PAM16: variants seen among roughly 807,000 people sequenced by gnomAD.
The protein encoded by PAM16 is mitochondrial import inner membrane translocase subunit TIM16.
In PAM16, 11 loss-of-function variants were observed where a neutral mutation model predicts 17.9. The ratio of observed to expected loss-of-function variants is 0.62; its 90% CI spans 0.39 to 1.02. The LOEUF (loss-of-function observed/expected upper bound fraction) is 1.02. Ranked by LOEUF, PAM16 falls within the 50% of genes least tolerant of loss-of-function variation. PAM16 has a pLI of 0.01. For missense variants in PAM16, 199 were observed against 165.4 expected (o/e 1.20, Z -1.11); for synonymous variants, 72 against 67.4 (o/e 1.07, Z -0.34).
chr16:4,345,961 G>A lies in PAM16; in HGVS notation c.4-2670C>T, dbSNP rs191936181. ...AGCCTTCGGTCCCTCTGCTGCCATC[G>A]TACAGCCTTGCAATCACTTGTTTAC... On this transcript the variant is annotated intron_variant, in intron 1 of 4. Transcript: ENST00000318059. 9.1e-6 allele frequency: 9 copies of A among 985,350 alleles called. No homozygotes were observed. The African/African-American group carries it at 1.2e-4, about 13-fold the overall frequency. 61.0% of individuals were successfully genotyped at this position (985,350 alleles called of 1,614,324 possible).
chr16:4,341,629 G>A (rs2053649204), intron 2 of PAM16, 125 bp from the exon 3 acceptor site: 1 of 1,435,544 alleles, frequency 7.0e-7, no homozygotes, highest in South Asian at 1.4e-5. Flanking sequence ...GTGGCTAGGA[G>A]CTGCCTCTTC....
chr16:4,343,139 A>G, intron 2 of PAM16, 68 bp downstream of exon 2: 2 of 1,606,004 alleles, frequency 1.2e-6, no homozygotes, highest in African/African-American at 1.3e-5. Context: ...TGAGGTGCCC[A>G]TGGCTACGGG....
At chr16:4,341,529 TCA>T in intron 2 of PAM16, 25 bp from the exon 3 acceptor site, 1 of 1,593,662 alleles carries the variant, frequency 6.3e-7, no homozygotes, top group Non-Finnish European at 8.5e-7. Context: ...GGGTGATCGC[TCA>T]GTCCTCAGCA....
At chr16:4,340,807 GT>G in intron 4 of PAM16, 112 bp downstream of exon 4, 1 of 1,368,176 alleles carries the variant, frequency 7.3e-7, no homozygotes, top group Non-Finnish European at 1.0e-6. Context: ...GCCTGGCACA[GT>G]TTTCTGTGTG....
chr16:4,349,746 G>T (rs187450781), intron 1 of PAM16, among the ~76,000 whole-genome samples: 1 of 152,162 alleles, frequency 6.6e-6, no homozygotes, highest in Non-Finnish European at 1.5e-5. Context: ...TAGCCGGGGC[G>T]ACAGACAGAC....
chr16:4,341,766 T>A (rs1197661101), intron 2 of PAM16: 5 of 539,722 alleles, frequency 9.3e-6, no homozygotes, highest in Non-Finnish European at 1.6e-5. Flanking sequence ...GACCATGAGA[T>A]GACCCTGTCC....
rs754148236 is a variant in PAM16, at chr16:4,351,259, C to T, written c.-25G>A. 6.8e-7 allele frequency: 1 copy of T among 1,467,076 alleles called. No homozygotes were observed. The allele number at this position is 1,467,076 out of a possible 1,614,324, so 90.9% of individuals were successfully genotyped here. A position where few individuals can be genotyped will look rare whatever the true frequency, so the allele number is the denominator to read the frequency against. On this transcript the variant is annotated 5_prime_UTR_variant, in exon 1 of 5. Transcript: ENST00000318059. ...TGGCAGCCGCTCTGCCTCCGGGGCT[C>T]AAACTCCGACTTCCTGGCCCCGCGG...
At chr16:4,349,677 G>T (rs1197170025) in intron 1 of PAM16, among the ~76,000 whole-genome samples, 1 of 152,152 alleles carries the variant, frequency 6.6e-6, no homozygotes, top group Non-Finnish European at 1.5e-5. Flanking sequence ...TAAGGTAGGA[G>T]GATGGCTTGA....
rs1363860996 is a variant in PAM16, at chr16:4,341,178, C to T, written c.225+190G>A. On this transcript the variant is annotated intron_variant, in intron 3 of 4. Coordinates refer to ENST00000318059, the MANE Select transcript of PAM16 (RefSeq NM_016069.11). ...GGGCAACTGAGCTGCTACTGGAAGG[C>T]ACTCTTTGTCTCTAGACTGTCCTGC... is the stretch of plus-strand genomic sequence containing the variant. Among the ~76,000 whole-genome samples the T allele has an allele frequency of 3.3e-5, 5 of 152,212 alleles. No homozygotes were observed. In the East Asian group the frequency reaches 9.6e-4, roughly 29 times the overall value.
intron 1 of PAM16, chr16:4,344,108 G>A: frequency 2.5e-6 from 1 of 397,562 alleles, no homozygotes; most frequent in South Asian, 1.3e-4. Flanking sequence ...GCCCCGCAGA[G>A]GCCCTGGGGA....
intron 2 of PAM16, among the ~76,000 whole-genome samples, chr16:4,342,051 C>T (rs1159781958): frequency 6.6e-6 from 1 of 152,240 alleles, no homozygotes; most frequent in African/African-American, 2.4e-5. Context: ...TTCAACTCTG[C>T]CTTGAAAGCA....
At chr16:4,341,260 G>T in intron 3 of PAM16, 108 bp downstream of exon 3, 1 of 1,473,564 alleles carries the variant, frequency 6.8e-7, no homozygotes, top group Non-Finnish European at 9.1e-7. Context: ...GTCCGAGCTG[G>T]GTGCAGCTGC....
In PAM16 at chr16:4,341,374, G is replaced by A; in HGVS notation, c.219C>T (p.Val73=). Residue 73 remains valine, a synonymous_variant, in exon 3 of 5, where the codon GTC becomes GTT. Transcript: ENST00000318059. ...LNVSKLSPEE[V]QKNYEHLFKV... ...GGTGGCCCAGTGGCCTCACCTTCTG[G>A]ACCTCCTCAGGGCTCAGCTTGGACA... 1 of 1,578,162 alleles carries A rather than the reference G, an allele frequency of 6.3e-7. No individual in the cohort carries two copies. Among genetic ancestry groups the A allele is most frequent in the Non-Finnish European group, 8.6e-7 (1 of 1,162,046 alleles).
intron 1 of PAM16, chr16:4,343,663 C>T: frequency 3.5e-6 from 3 of 864,812 alleles, no homozygotes; most frequent in Non-Finnish European, 3.2e-6. Context: ...CAGTAACTCA[C>T]TCTCGACCCT....
At position 4,341,808 on chromosome 16, in the gene PAM16, T is replaced by C. The variant is rs72766571; in HGVS notation, c.89-304A>G. 0.016 allele frequency: 6,672 copies of C among 417,552 alleles called. 107 individuals carry two copies. Among genetic ancestry groups the C allele is most frequent in the African/African-American group, 0.052 (2,624 of 50,380 alleles). 25.9% of individuals were successfully genotyped at this position (417,552 alleles called of 1,614,324 possible). On this transcript the variant is annotated intron_variant, in intron 2 of 4. Coordinates refer to ENST00000318059, the MANE Select transcript of PAM16 (RefSeq NM_016069.11). ...CCCCATATCCCAGGGGAACAGCAAA[T>C]TGGGGAGCTTTAGGCTACGATGGAG...
intron 1 of PAM16, chr16:4,345,755 G>A: frequency 1.5e-6 from 1 of 676,330 alleles, no homozygotes; most frequent in Non-Finnish European, 1.8e-6. Flanking sequence ...GGGAGGGTCA[G>A]GGATGCACCT....
At chr16:4,347,772 G>GGGTC (rs1165664106) in intron 1 of PAM16, 1 of 152,236 alleles carries the variant, frequency 6.6e-6, no homozygotes, top group African/African-American at 2.4e-5. Context: ...TTGGGCCTGA[G>GGGTC]GGTCCCAGGT....
At chr16:4,343,730 T>C (rs771085293) in intron 1 of PAM16, 4 of 436,190 alleles carry the variant, frequency 9.2e-6, no homozygotes, top group African/African-American at 2.0e-5. Context: ...ACCTTTACTT[T>C]ACCAACGGGG....
chr16:4,344,073 C>T (rs1477792779), intron 1 of PAM16: 3 of 397,556 alleles, frequency 7.5e-6, no homozygotes, highest in African/African-American at 2.1e-5. Flanking sequence ...CTGAACATGC[C>T]GGAACACTGC....
Sources: gnomAD v4.1 joint callset for allele counts (sites outside exome capture counted in the v4.1 genomes callset) on GRCh38, gnomAD v4.1.1 for gene constraint, MANE v1.5 for transcripts, NCBI Gene and HGNC (gene_info 2026-07-23, HGNC 2026-07-21) for gene names.